Variants in GTF2A1L observed in about 807,000 individuals in gnomAD.
GTF2A1L encodes TFIIA-alpha and beta-like factor.
Under a neutral mutation model 49.7 loss-of-function variants are expected in GTF2A1L, and 48 were observed. The observed-to-expected ratio is 0.97, with a 90% confidence interval of 0.77 to 1.23. GTF2A1L has a LOEUF of 1.23. Among genes scored for constraint, GTF2A1L ranks in the 50% most tolerant of loss-of-function variants. The pLI is 0.00. For missense variants in GTF2A1L, 736 were observed against 564.8 expected (o/e 1.30, Z -3.07); for synonymous variants, 246 against 193.5 (o/e 1.27, Z -2.25).
chr2:48,630,030 G>C (rs1320895674), intron 3 of GTF2A1L, among the ~76,000 whole-genome samples: 1 of 144,206 alleles, frequency 6.9e-6, no homozygotes, highest in African/African-American at 2.5e-5. Context: ...CTTATAGTAT[G>C]GGTGAAGTTC....
At chr2:48,634,296 G>T (rs1197465038) in intron 3 of GTF2A1L, among the ~76,000 whole-genome samples, 1 of 152,052 alleles carries the variant, frequency 6.6e-6, no homozygotes, top group Non-Finnish European at 1.5e-5. Flanking sequence ...ATTTTTAGTA[G>T]AGACGGGATT....
Position 48,642,393 on chromosome 2 carries a change from C to T in GTF2A1L, c.248-9C>T, listed in dbSNP as rs1677248352. 6.3e-7 allele frequency: 1 copy of T among 1,574,842 alleles called. No individual in the cohort carries two copies. The highest frequency in any genetic ancestry group is 8.7e-7 in the Non-Finnish European group (1 of 1,154,534). On this transcript the variant is annotated splice_polypyrimidine_tract_variant and intron_variant, in intron 3 of 8. Coordinates refer to ENST00000403751, the MANE Select transcript of GTF2A1L (RefSeq NM_006872.5). Reference sequence around the variant, plus strand: ...TAATGAATGTATATTTATTTTGTTTCCTATGCAGCATCATTAGTTATTCCT... The same window carrying T: ...TAATGAATGTATATTTATTTTGTTTTCTATGCAGCATCATTAGTTATTCCT...
chr2:48,671,030 C>T (rs1045981115), intron 7 of GTF2A1L, among the ~76,000 whole-genome samples: 1 of 152,032 alleles, frequency 6.6e-6, no homozygotes, highest in Non-Finnish European at 1.5e-5. Flanking sequence ...CCATGCTGGC[C>T]AAGCTGGTCT....
At chr2:48,660,324 T>A (rs1419939453) in intron 6 of GTF2A1L, among the ~76,000 whole-genome samples, 1 of 152,124 alleles carries the variant, frequency 6.6e-6, no homozygotes, top group Non-Finnish European at 1.5e-5. Flanking sequence ...TGTTCTTCCA[T>A]TTTTTGGAAG....
chr2:48,644,973 G>GA (rs2104190904), intron 4 of GTF2A1L, 60 bp from the exon 5 acceptor site: 2 of 1,500,094 alleles, frequency 1.3e-6, no homozygotes, highest in Admixed American at 2.2e-5. Flanking sequence ...TGAGATCAGG[G>GA]AAAAAAAGAT....
Position 48,646,444 on chromosome 2 carries a change from C to T in GTF2A1L, c.389-9C>T. The T allele has an allele frequency of 6.5e-7, 1 of 1,533,130 alleles. No individual in the cohort carries two copies. Among genetic ancestry groups the T allele is most frequent in the Non-Finnish European group, 8.7e-7 (1 of 1,144,818 alleles). The allele number at this position is 1,533,130 out of a possible 1,614,324, so 95.0% of individuals were successfully genotyped here. A position where few individuals can be genotyped will look rare whatever the true frequency, so the allele number is the denominator to read the frequency against. On this transcript the variant is annotated splice_polypyrimidine_tract_variant and intron_variant, in intron 5 of 8. Coordinates refer to ENST00000403751, the MANE Select transcript of GTF2A1L (RefSeq NM_006872.5). ...ATTATACTTACAATTTTGCTTTCTC[C>T]TTTTTAAGGTCACCTTTATAAAGTC...
chr2:48,648,603 C>T (rs1321347988), intron 6 of GTF2A1L, among the ~76,000 whole-genome samples: 1 of 151,944 alleles, frequency 6.6e-6, no homozygotes, highest in Non-Finnish European at 1.5e-5. Context: ...AACATTACTC[C>T]CTGAAATTCA....
chr2:48,622,481 T>C (rs1199200852), intron 3 of GTF2A1L, among the ~76,000 whole-genome samples: 1 of 152,202 alleles, frequency 6.6e-6, no homozygotes, highest in Non-Finnish European at 1.5e-5. Context: ...ATCACTGTTT[T>C]ATTTATTACA....
Position 48,657,763 on chromosome 2 carries a change from GTT to G in GTF2A1L, c.978+10732_978+10733del, listed in dbSNP as rs35946031. Among the ~76,000 whole-genome samples the G allele has an allele frequency of 4.6e-3, 670 of 146,648 alleles. 2 individuals are homozygous for G. The highest frequency in any genetic ancestry group is 7.8e-3 in the Admixed American group (115 of 14,746). On this transcript the variant is annotated intron_variant, in intron 6 of 8. Coordinates refer to ENST00000403751, the MANE Select transcript of GTF2A1L (RefSeq NM_006872.5). The stretch of plus-strand genomic sequence containing the variant: ...CTCTGCAGCCTTGCTGGAATCTCTT[GTT>G]TTTTTTTTTTGACTTTTTAATAATA...
rs755710916 is a variant in GTF2A1L, at chr2:48,646,608, G to A, written c.544G>A (p.Ala182Thr). The A allele has an allele frequency of 3.1e-6, 5 of 1,614,090 alleles. No individual in the cohort carries two copies. The Admixed American group carries it at 8.3e-5, about 27-fold the overall frequency. Residue 182 changes from alanine to threonine, a missense_variant, in exon 6 of 9, where the codon GCA becomes ACA. Ala to Thr is a moderately conservative substitution (Grantham distance 58). Coordinates refer to ENST00000403751, the MANE Select transcript of GTF2A1L (RefSeq NM_006872.5). ...VPQLNPWSLQATTEKSQRIET... is the reference protein window; with the variant it reads ...VPQLNPWSLQTTTEKSQRIET... Reference sequence around the variant, plus strand: ...ACAATTGAATCCATGGTCTCTTCAAGCAACTACTGAAAAATCACAGAGAAT... The same window carrying A: ...ACAATTGAATCCATGGTCTCTTCAAACAACTACTGAAAAATCACAGAGAAT...
At position 48,646,476 on chromosome 2, in the gene GTF2A1L, C is replaced by A; in HGVS notation, c.412C>A (p.Pro138Thr). 1 of 1,609,454 alleles carries A rather than the reference C, an allele frequency of 6.2e-7. No homozygotes were observed. Among genetic ancestry groups the A allele is most frequent in the Non-Finnish European group, 8.5e-7 (1 of 1,178,662 alleles). The change falls in exon 6 of 9, where the codon CCA (proline) becomes ACA (threonine). Residue 138 changes from proline (P) to threonine (T), a missense_variant. Physicochemically the swap from Pro to Thr is conservative, Grantham distance 38. Transcript: ENST00000403751. Reference sequence around the variant, plus strand: ...AGGTCACCTTTATAAAGTCAATGTACCAATTATGGTGACAGAGACTTCTGG... The same window carrying A: ...AGGTCACCTTTATAAAGTCAATGTAACAATTATGGTGACAGAGACTTCTGG... Reference protein sequence around the residue: ...VSGHLYKVNVPIMVTETSGRA... With the variant: ...VSGHLYKVNVTIMVTETSGRA...
intron 3 of GTF2A1L, among the ~76,000 whole-genome samples, chr2:48,623,827 G>T (rs1027049310): frequency 6.6e-6 from 1 of 152,170 alleles, no homozygotes; most frequent in African/African-American, 2.4e-5. Flanking sequence ...ACCATATATT[G>T]CATGTTCTCA....
At chr2:48,668,442 C>T (rs1678967428) in intron 6 of GTF2A1L, 1 of 152,050 alleles carries the variant, frequency 6.6e-6, no homozygotes, top group African/African-American at 2.4e-5. Context: ...TAAAACAGCC[C>T]CTGATCTTAA....
At chr2:48,650,579 C>T (rs1291888631) in intron 6 of GTF2A1L, among the ~76,000 whole-genome samples, 1 of 152,074 alleles carries the variant, frequency 6.6e-6, no homozygotes, top group African/African-American at 2.4e-5. Context: ...CTTTAGAATT[C>T]ATTTAAATTG....
At chr2:48,668,901 AG>A (rs1679018328) in intron 6 of GTF2A1L, among the ~76,000 whole-genome samples, 1 of 152,148 alleles carries the variant, frequency 6.6e-6, no homozygotes. Flanking sequence ...TAAAATACTT[AG>A]CAGAGGGGTT....
chr2:48,654,540 G>A (rs554649846), intron 6 of GTF2A1L, among the ~76,000 whole-genome samples: 1 of 152,188 alleles, frequency 6.6e-6, no homozygotes, highest in Non-Finnish European at 1.5e-5. Context: ...CCACCACCAT[G>A]CCTGGCTAAT....
At chr2:48,676,606 G>T (rs1264893846) in intron 8 of GTF2A1L, among the ~76,000 whole-genome samples, 1 of 151,584 alleles carries the variant, frequency 6.6e-6, no homozygotes, top group African/African-American at 2.4e-5. Context: ...ATATTATTTT[G>T]GAGAAAATGA....
intron 3 of GTF2A1L, among the ~76,000 whole-genome samples, chr2:48,625,691 T>G (rs890842328): frequency 1.4e-5 from 2 of 143,096 alleles, no homozygotes; most frequent in East Asian, 3.9e-4. Flanking sequence ...CAATTGATCC[T>G]CTCACCTCGA....
intron 6 of GTF2A1L, among the ~76,000 whole-genome samples, chr2:48,664,630 A>G (rs567202201): frequency 6.6e-6 from 1 of 152,176 alleles, no homozygotes; most frequent in East Asian, 1.9e-4. Context: ...AGCTTTCTGA[A>G]TTTAGAATTT....
Sources: allele counts gnomAD v4.1 joint callset (sites outside exome capture counted in the v4.1 genomes callset), GRCh38; gene constraint gnomAD v4.1.1; transcripts MANE v1.5; gene names NCBI Gene and HGNC (gene_info 2026-07-23, HGNC 2026-07-21).